CNIH3: variants seen among roughly 807,000 people sequenced by gnomAD.
The protein encoded by CNIH3 is protein cornichon homolog 3.
A neutral mutation model predicts 24.1 loss-of-function variants in CNIH3; 14 were observed. The observed-to-expected ratio is 0.58, with a 90% CI of 0.38 to 0.91. CNIH3 has a LOEUF of 0.91. Among genes scored for constraint, CNIH3 ranks in the 40% least tolerant of loss-of-function variants. The pLI is 0.00. For missense variants in CNIH3, 178 were observed against 196.8 expected (o/e 0.90, Z 0.57); for synonymous variants, 68 against 73.8 (o/e 0.92, Z 0.40).
chr1:224,551,938 A>G (rs1454028228), intron 3 of CNIH3, among the ~76,000 whole-genome samples: 2 of 151,272 alleles, frequency 1.3e-5, no homozygotes, highest in East Asian at 2.0e-4. Context: ...CTCTGTGTAC[A>G]CCCACTGTTG....
At chr1:224,628,120 C>T (rs1435611534) in intron 1 of CNIH3, among the ~76,000 whole-genome samples, 1 of 152,034 alleles carries the variant, frequency 6.6e-6, no homozygotes, top group South Asian at 2.1e-4. Flanking sequence ...CCCACCCTGT[C>T]AAGTTATTCA....
chr1:224,463,106 C>T (rs1675996248), intron 1 of CNIH3, among the ~76,000 whole-genome samples: 1 of 151,876 alleles, frequency 6.6e-6, no homozygotes, highest in South Asian at 2.1e-4. Context: ...TCATGTTGGC[C>T]AGGATGGTCT....
At chr1:224,694,350 A>G (rs989940277) in intron 3 of CNIH3, among the ~76,000 whole-genome samples, 1 of 152,218 alleles carries the variant, frequency 6.6e-6, no homozygotes, top group African/African-American at 2.4e-5. Context: ...GCAGCAGGAG[A>G]AGAAACCCTA....
chr1:224,546,815 T>C lies in CNIH3; in HGVS notation n.340-14T>C, dbSNP rs988834441. The C allele has an allele frequency of 3.4e-5, 26 of 759,932 alleles. No homozygotes were observed. In the African/African-American group the frequency reaches 4.9e-4, roughly 14 times the overall value. 47.1% of individuals were successfully genotyped at this position (759,932 alleles called of 1,614,324 possible). A position where few individuals can be genotyped will look rare whatever the true frequency, so the allele number is the denominator to read the frequency against. On this transcript the variant is annotated splice_polypyrimidine_tract_variant and intron_variant and non_coding_transcript_variant, in intron 2 of 5. Transcript: ENST00000471578. ...AAAACCATTCAAGTCTGTATCTCCC[T>C]CATTGTCCTCCAGTGATCCTCATGG...
At chr1:224,650,559 C>T (rs549885308) in intron 1 of CNIH3, among the ~76,000 whole-genome samples, 1 of 151,412 alleles carries the variant, frequency 6.6e-6, no homozygotes, top group East Asian at 1.9e-4. Flanking sequence ...CTGTTCTTGG[C>T]TCTGGGACTT....
At chr1:224,568,710 C>T (rs981801143) in intron 4 of CNIH3, among the ~76,000 whole-genome samples, 3 of 151,974 alleles carry the variant, frequency 2.0e-5, no homozygotes, top group African/African-American at 4.8e-5. Flanking sequence ...ACCTTGATCA[C>T]GTCATTGCAT....
Position 224,705,850 on chromosome 1 carries a change from C to CTTTTTTCTTTTTTT in CNIH3, c.198+21013_198+21014insCTTTTTTTTTTTTT, listed in dbSNP as rs1687762236. ...TTCTTTTCTTTTCTCTCTTTCTTTT[C>CTTTTTTCTTTTTTT]TTTTTTTTCTTTTTTTTTTTTTTTG... On this transcript the variant is annotated intron_variant, in intron 3 of 5. Coordinates refer to ENST00000272133, the MANE Select transcript of CNIH3 (RefSeq NM_152495.2). 2.2e-5 allele frequency among the ~76,000 whole-genome samples: 2 copies of CTTTTTTCTTTTTTT among 90,208 alleles called. 1 individual carries two copies. Among genetic ancestry groups the CTTTTTTCTTTTTTT allele is most frequent in the Non-Finnish European group, 4.8e-5 (2 of 41,724 alleles). 59.2% of individuals were successfully genotyped at this position (90,208 alleles called of 152,430 possible).
chr1:224,734,202 A>G (rs1034543487), intron 4 of CNIH3, among the ~76,000 whole-genome samples: 1 of 152,224 alleles, frequency 6.6e-6, no homozygotes, highest in Non-Finnish European at 1.5e-5. Flanking sequence ...GAATGGAGGT[A>G]TGGTGGCATC....
chr1:224,653,230 C>T (rs1684944662), intron 1 of CNIH3, among the ~76,000 whole-genome samples: 1 of 152,050 alleles, frequency 6.6e-6, no homozygotes, highest in South Asian at 2.1e-4. Flanking sequence ...TGAGACCAGC[C>T]TGACCAACAT....
At chr1:224,456,879 T>C (rs763028582) in intron 1 of CNIH3, among the ~76,000 whole-genome samples, 1 of 152,194 alleles carries the variant, frequency 6.6e-6, no homozygotes, top group Non-Finnish European at 1.5e-5. Context: ...TCCAAGAAGA[T>C]ACAGGAAGAG....
At chr1:224,487,426 C>A (rs1677071171) in intron 1 of CNIH3, among the ~76,000 whole-genome samples, 1 of 152,186 alleles carries the variant, frequency 6.6e-6, no homozygotes, top group Non-Finnish European at 1.5e-5. Flanking sequence ...CTCTCACACA[C>A]ACATATTCCT....
In CNIH3 at chr1:224,533,253, A is replaced by T. The variant is rs541882295; in HGVS notation, n.344-3683A>T. Among the ~76,000 whole-genome samples, 52 of 151,892 alleles carry T rather than the reference A, an allele frequency of 3.4e-4. No individual in the cohort carries two copies. The Middle Eastern group carries it at 0.01, about 30-fold the overall frequency. On this transcript the variant is annotated intron_variant and non_coding_transcript_variant, in intron 2 of 2. Transcript: ENST00000470602. ...GCAAGAGCATGTCTCTACAAAAAAAAAAAATAAAATAAAATTGGCTGAGAG... is the reference window on the plus strand; with the variant it reads ...GCAAGAGCATGTCTCTACAAAAAAATAAAATAAAATAAAATTGGCTGAGAG...
At chr1:224,646,143 G>GACGTAAGACAGTA (rs35908674) in intron 1 of CNIH3, among the ~76,000 whole-genome samples, 78,376 of 151,976 alleles carry the variant, frequency 0.52, 20,894 homozygotes, top group East Asian at 0.74. Context: ...TAAGACAGCA[G>GACGTAAGACAGTA]AGGTTTTCAG....
intron 1 of CNIH3, among the ~76,000 whole-genome samples, chr1:224,474,487 C>T (rs986406421): frequency 1.3e-5 from 2 of 151,600 alleles, no homozygotes. Flanking sequence ...TCAGTGCCTA[C>T]ATCAAAAAAG....
chr1:224,537,942 C>A (rs976956870), downstream of CNIH3, among the ~76,000 whole-genome samples: 1 of 151,628 alleles, frequency 6.6e-6, no homozygotes, highest in Non-Finnish European at 1.5e-5. Context: ...GGAAATCAGA[C>A]ACATTATTAT....
intron 3 of CNIH3, among the ~76,000 whole-genome samples, chr1:224,695,342 ATC>A (rs1191902959): frequency 1.4e-5 from 2 of 139,728 alleles, no homozygotes; most frequent in Non-Finnish European, 3.1e-5. Flanking sequence ...GTTCCTTAAA[ATC>A]TCTCTCTTTC....
At chr1:224,589,803 C>T (rs1433458943), downstream of CNIH3, among the ~76,000 whole-genome samples, 1 of 152,116 alleles carries the variant, frequency 6.6e-6, no homozygotes, top group Non-Finnish European at 1.5e-5. Context: ...TTTTCCAGCT[C>T]CTCTAAAGAG....
chr1:224,447,092 T>A (rs1373712931), intron 1 of CNIH3, among the ~76,000 whole-genome samples: 1 of 152,094 alleles, frequency 6.6e-6, no homozygotes, highest in African/African-American at 2.4e-5. Context: ...GATCTATAGA[T>A]ATATGAGAGG....
At chr1:224,544,905 A>T (rs935864757) in intron 2 of CNIH3, among the ~76,000 whole-genome samples, 1 of 152,234 alleles carries the variant, frequency 6.6e-6, no homozygotes, top group African/African-American at 2.4e-5. Context: ...ATCAGCTGGC[A>T]GATGAGTCTG....
Sources: allele counts gnomAD v4.1 joint callset (sites outside exome capture counted in the v4.1 genomes callset), GRCh38; gene constraint gnomAD v4.1.1; transcripts MANE v1.5; gene names NCBI Gene and HGNC (gene_info 2026-07-23, HGNC 2026-07-21).